Variants in TTLL5 observed in about 807,000 individuals in gnomAD.
TTLL5 encodes tubulin tyrosine ligase like 5.
Under a neutral mutation model 168.4 loss-of-function variants are expected in TTLL5, and 132 were observed. The ratio of observed to expected loss-of-function variants is 0.78; its 90% CI spans 0.68 to 0.91. TTLL5 has a LOEUF of 0.91. Ranked by LOEUF, TTLL5 falls within the 40% of genes least tolerant of loss-of-function variation. TTLL5 has a pLI of 0.00. For synonymous variants in TTLL5, 546 were observed against 558.6 expected (o/e 0.98, Z 0.32); for missense variants, 1,545 against 1,581.5 (o/e 0.98, Z 0.39).
chr14:75,757,828 T>C, intron 18 of TTLL5: 1 of 1,591,632 alleles, frequency 6.3e-7, no homozygotes, highest in Non-Finnish European at 8.5e-7. Flanking sequence ...TCTGCTTCTG[T>C]AGGGGAAACC....
intron 28 of TTLL5, among the ~76,000 whole-genome samples, chr14:75,824,147 C>G (rs1894985682): frequency 1.3e-5 from 2 of 152,034 alleles, no homozygotes; most frequent in Non-Finnish European, 2.9e-5. Context: ...GTGTTAGTTG[C>G]TGGGGAGGAG....
intron 15 of TTLL5, among the ~76,000 whole-genome samples, chr14:75,742,384 A>ATTGTT (rs557767951): frequency 9.0e-4 from 137 of 152,012 alleles, no homozygotes; most frequent in Non-Finnish European, 1.6e-3. Flanking sequence ...CAGTGGCTTT[A>ATTGTT]TTGTTTTGTT....
At chr14:75,825,323 C>T (rs1003271893) in intron 28 of TTLL5, among the ~76,000 whole-genome samples, 8 of 152,144 alleles carry the variant, frequency 5.3e-5, no homozygotes, top group Admixed American at 5.2e-4. Flanking sequence ...GCAGTACGCT[C>T]CTGGGACTGG....
chr14:75,887,085 G>A (rs913378754), intron 30 of TTLL5: 12 of 1,162,412 alleles, frequency 1.0e-5, no homozygotes, highest in Non-Finnish European at 1.3e-5. Flanking sequence ...CTGAGTGGAA[G>A]TTGGTGGTAA....
chr14:75,824,021 T>C (rs1455466338), intron 28 of TTLL5, among the ~76,000 whole-genome samples: 1 of 152,254 alleles, frequency 6.6e-6, no homozygotes, highest in Non-Finnish European at 1.5e-5. Context: ...GAAATGTTGC[T>C]GGAGATTCAG....
At chr14:75,681,663 A>C in intron 4 of TTLL5, 36 bp downstream of exon 4, 3 of 1,584,506 alleles carry the variant, frequency 1.9e-6, no homozygotes, top group Non-Finnish European at 2.6e-6. Flanking sequence ...TGATCTGCTC[A>C]TAAGCTGAAA....
At chr14:75,943,777 A>G (rs2034686070) in intron 31 of TTLL5, among the ~76,000 whole-genome samples, 1 of 152,230 alleles carries the variant, frequency 6.6e-6, no homozygotes, top group African/African-American at 2.4e-5. Flanking sequence ...AAATAGTGCA[A>G]AATAACTTTT....
chr14:75,705,249 G>A (rs1051058461), intron 7 of TTLL5, among the ~76,000 whole-genome samples: 17 of 152,208 alleles, frequency 1.1e-4, no homozygotes, highest in African/African-American at 4.1e-4. Context: ...TGTGAAAGCT[G>A]TGTTCTGACT....
At chr14:75,664,745 C>T (rs1883126304) in intron 2 of TTLL5, among the ~76,000 whole-genome samples, 1 of 152,202 alleles carries the variant, frequency 6.6e-6, no homozygotes, top group African/African-American at 2.4e-5. Flanking sequence ...ACTTTCCCTT[C>T]TTCTGACTTT....
intron 18 of TTLL5, among the ~76,000 whole-genome samples, chr14:75,753,658 G>A (rs1890087024): frequency 6.6e-6 from 1 of 152,126 alleles, no homozygotes; most frequent in African/African-American, 2.4e-5. Flanking sequence ...CTACTATCAG[G>A]AAATACATGG....
At chr14:75,926,778 G>A (rs2034085725) in intron 31 of TTLL5, among the ~76,000 whole-genome samples, 1 of 152,138 alleles carries the variant, frequency 6.6e-6, no homozygotes, top group Non-Finnish European at 1.5e-5. Flanking sequence ...TAAACATAGA[G>A]TTACCATATG....
At chr14:75,744,990 T>G in intron 15 of TTLL5, 105 bp from the exon 16 acceptor site, 1 of 947,736 alleles carries the variant, frequency 1.1e-6, no homozygotes, top group Non-Finnish European at 1.6e-6. Context: ...TTTGAGCTTA[T>G]AAATCTTTAG....
Position 75,867,686 on chromosome 14 carries a change from G to A in TTLL5, c.3522+3824G>A, listed in dbSNP as rs542506497. 3.9e-4 allele frequency among the ~76,000 whole-genome samples: 59 copies of A among 152,022 alleles called. 1 individual carries two copies. In the East Asian group the frequency reaches 0.01, roughly 27 times the overall value. On this transcript the variant is annotated intron_variant, in intron 29 of 31. Transcript: ENST00000298832. ...GAGGTAGGAGAATCACTTGAACCCGGGAGGCGGAGGTTGCAGTGAGCCAAG... is the reference window on the plus strand; with the variant it reads ...GAGGTAGGAGAATCACTTGAACCCGAGAGGCGGAGGTTGCAGTGAGCCAAG...
chr14:75,679,656 C>T (rs1884457015), intron 3 of TTLL5, among the ~76,000 whole-genome samples: 1 of 152,198 alleles, frequency 6.6e-6, no homozygotes, highest in South Asian at 2.1e-4. Flanking sequence ...ACTTGGCCCT[C>T]AAGAGCCCTT....
At chr14:75,785,176 C>CT (rs903930146) in intron 26 of TTLL5, among the ~76,000 whole-genome samples, 3,679 of 102,394 alleles carry the variant, frequency 0.036, 31 homozygotes, top group African/African-American at 0.042. Context: ...AGATTTCCTC[C>CT]TTTTTTTTTT....
chr14:75,772,269 C>T (rs1163761322), intron 21 of TTLL5, among the ~76,000 whole-genome samples: 1 of 152,108 alleles, frequency 6.6e-6, no homozygotes, highest in Non-Finnish European at 1.5e-5. Flanking sequence ...ACAAAGACCT[C>T]GAGAAGCCAA....
intron 29 of TTLL5, among the ~76,000 whole-genome samples, chr14:75,876,801 A>G (rs1394239910): frequency 6.6e-6 from 1 of 152,226 alleles, no homozygotes; most frequent in Non-Finnish European, 1.5e-5. Flanking sequence ...ACTTTTGCCA[A>G]AATAGAAACA....
chr14:75,893,150 G>A (rs936048007), intron 30 of TTLL5, among the ~76,000 whole-genome samples: 9 of 152,124 alleles, frequency 5.9e-5, no homozygotes, highest in African/African-American at 1.9e-4. Flanking sequence ...GGAGTATCTC[G>A]TGGAACATGA....
intron 26 of TTLL5, among the ~76,000 whole-genome samples, chr14:75,789,987 G>C (rs1892601985): frequency 6.6e-6 from 1 of 152,146 alleles, no homozygotes; most frequent in Non-Finnish European, 1.5e-5. Flanking sequence ...TGTGGTATTG[G>C]CAAATGTGTA....
Sources: allele counts gnomAD v4.1 joint callset (sites outside exome capture counted in the v4.1 genomes callset), GRCh38; gene constraint gnomAD v4.1.1; transcripts MANE v1.5; gene names NCBI Gene and HGNC (gene_info 2026-07-23, HGNC 2026-07-21).